RUNX3: variants seen among roughly 807,000 people sequenced by gnomAD.
RUNX3 encodes the protein runt-related transcription factor 3.
In RUNX3, 10 loss-of-function variants were observed where a neutral mutation model predicts 27.7. The ratio of observed to expected loss-of-function variants is 0.36; its 90% CI spans 0.22 to 0.61. The LOEUF (loss-of-function observed/expected upper bound fraction) is 0.61, where lower values mean the gene tolerates loss of function less well. Among genes scored for constraint, RUNX3 ranks in the 20% least tolerant of loss-of-function variants. The pLI, the probability that RUNX3 is intolerant of heterozygous loss-of-function variation, is 0.72. For synonymous variants in RUNX3, 270 were observed against 269.2 expected, an observed-to-expected ratio of 1.00 and a Z score of -0.03; for missense variants, 469 against 629.5, an observed-to-expected ratio of 0.75 and a Z score of 2.73.
intron 2 of RUNX3, among the ~76,000 whole-genome samples, chr1:24,960,748 C>T (rs1318501328): frequency 2.0e-5 from 3 of 152,194 alleles, no homozygotes; most frequent in Admixed American, 6.5e-5. Flanking sequence ...CCAGTGGAAC[C>T]GTGCATGGGC....
At chr1:24,919,621 C>G (rs1640957020) in intron 2 of RUNX3, among the ~76,000 whole-genome samples, 1 of 152,102 alleles carries the variant, frequency 6.6e-6, no homozygotes, top group Non-Finnish European at 1.5e-5. Context: ...TTTCTGCTGT[C>G]TCTTCTATTC....
chr1:24,946,852 C>A (rs1641620971), intron 2 of RUNX3, among the ~76,000 whole-genome samples: 1 of 152,184 alleles, frequency 6.6e-6, no homozygotes, highest in Non-Finnish European at 1.5e-5. Context: ...TCCACCTCCT[C>A]CAGAGAAAAG....
intron 3 of RUNX3, among the ~76,000 whole-genome samples, chr1:24,913,439 G>A (rs1252853194): frequency 6.6e-6 from 1 of 152,250 alleles, no homozygotes; most frequent in East Asian, 1.9e-4. Flanking sequence ...TCTGCAAAAT[G>A]GGGATCACAC....
intron 2 of RUNX3, among the ~76,000 whole-genome samples, chr1:24,948,758 G>A (rs1477140928): frequency 6.6e-6 from 1 of 151,988 alleles, no homozygotes; most frequent in South Asian, 2.1e-4. Flanking sequence ...GTGTGCATGT[G>A]GGGGAGGGGC....
Position 24,901,036 on chromosome 1 carries a change from G to GTTTTTTTTTTTTTTT in RUNX3, c.*1071_*1085dup, listed in dbSNP as rs3085849. On this transcript the variant is annotated 3_prime_UTR_variant, in exon 5 of 5. Transcript: ENST00000308873. ...TGTTTTGTTTTTTTTTTGTTTTTTTGTTTTTTTTTTTTTTTTGCTCAGGAC... is the reference window on the plus strand; with the variant it reads ...TGTTTTGTTTTTTTTTTGTTTTTTTGTTTTTTTTTTTTTTTTTTTTTTTTTTTTTTTGCTCAGGAC... 4 of 116,906 alleles carry GTTTTTTTTTTTTTTT rather than the reference G, an allele frequency of 3.4e-5. No individual in the cohort carries two copies. The highest frequency in any genetic ancestry group is 5.3e-5 in the Non-Finnish European group (3 of 56,424). The allele number at this position is 116,906 out of a possible 1,614,324, so 7.2% of individuals were successfully genotyped here.
intron 3 of RUNX3, among the ~76,000 whole-genome samples, chr1:24,913,193 G>A (rs1037844899): frequency 3.9e-5 from 6 of 152,222 alleles, no homozygotes; most frequent in East Asian, 1.9e-4. Context: ...AAAGCCCCGC[G>A]TTGGCCCTCA....
intron 2 of RUNX3, among the ~76,000 whole-genome samples, chr1:24,957,901 A>G (rs2124381497): frequency 1.3e-5 from 2 of 152,354 alleles, no homozygotes; most frequent in Middle Eastern, 6.8e-3. Flanking sequence ...GCCGCATTTT[A>G]CATTGCTTTC....
intron 2 of RUNX3, among the ~76,000 whole-genome samples, chr1:24,942,237 G>T (rs1641496717): frequency 6.6e-6 from 1 of 152,148 alleles, no homozygotes; most frequent in African/African-American, 2.4e-5. Flanking sequence ...AAAGGAGTTG[G>T]CACTAGATTG....
At position 24,964,706 on chromosome 1, in the gene RUNX3, G is replaced by GT. The variant is rs1216880932; in HGVS notation, c.-97-39dup. The stretch of plus-strand genomic sequence containing the variant: ...AAAGGGGGGGGTGTTGCTTTTTGTT[G>GT]TTTTTTGTTTTGTTTTTGTCTCTTT... On this transcript the variant is annotated intron_variant, in intron 1 of 6. Transcript: ENST00000338888. 13 of 1,491,106 alleles carry GT rather than the reference G, an allele frequency of 8.7e-6. No homozygotes were observed. In the South Asian group the frequency reaches 1.4e-4, roughly 16 times the overall value. The allele number at this position is 1,491,106 out of a possible 1,614,324, so 92.4% of individuals were successfully genotyped here. A position where few individuals can be genotyped will look rare whatever the true frequency, so the allele number is the denominator to read the frequency against.
chr1:24,959,794 G>A (rs758185149), intron 2 of RUNX3, among the ~76,000 whole-genome samples: 11 of 152,102 alleles, frequency 7.2e-5, no homozygotes, highest in Non-Finnish European at 1.5e-4. Flanking sequence ...ATACCCAAGA[G>A]TCCACTTTCC....
chr1:24,941,100 G>A lies in RUNX3; in HGVS notation c.59-11248C>T, dbSNP rs576191616. ...GCAGCAAAGCTGCACTGTTTCATCCGGATGGTCCTGTGTACCATCACACTC... is the reference window on the plus strand; with the variant it reads ...GCAGCAAAGCTGCACTGTTTCATCCAGATGGTCCTGTGTACCATCACACTC... On this transcript the variant is annotated intron_variant, in intron 2 of 6. Coordinates refer to the RUNX3 transcript ENST00000338888. Among the ~76,000 whole-genome samples, 40 of 152,222 alleles carry A rather than the reference G, an allele frequency of 2.6e-4. 1 individual carries two copies. The highest frequency in any genetic ancestry group is 3.8e-4 in the Non-Finnish European group (26 of 68,016).
At chr1:24,930,416 C>T (rs1641199317), upstream of RUNX3, 2 of 181,766 alleles carry the variant, frequency 1.1e-5, no homozygotes, top group Non-Finnish European at 2.1e-5. The surrounding 1 kb of genome is among the most constrained non-coding windows in gnomAD (Gnocchi z 4.1). Flanking sequence ...ACGGGGCCTG[C>T]CGGAGGCCGC....
chr1:24,944,828 C>T (rs1358458534), intron 2 of RUNX3, among the ~76,000 whole-genome samples: 1 of 152,220 alleles, frequency 6.6e-6, no homozygotes, highest in Non-Finnish European at 1.5e-5. Flanking sequence ...GCAAGGAACA[C>T]AGCCCTGCCC....
intron 2 of RUNX3, among the ~76,000 whole-genome samples, chr1:24,940,095 A>C (rs1311501288): frequency 6.6e-6 from 1 of 152,220 alleles, no homozygotes; most frequent in African/African-American, 2.4e-5. Context: ...CTCCTCTGGC[A>C]GATCTATGAA....
chr1:24,915,897 C>A (rs1408713368), intron 3 of RUNX3, among the ~76,000 whole-genome samples: 1 of 152,178 alleles, frequency 6.6e-6, no homozygotes, highest in South Asian at 2.1e-4. Flanking sequence ...GGCTCAGCAA[C>A]CTGCTTCTTA....
intron 2 of RUNX3, among the ~76,000 whole-genome samples, chr1:24,922,227 C>A (rs1436404004): frequency 6.7e-6 from 1 of 148,306 alleles, no homozygotes. Flanking sequence ...TTACTATGTG[C>A]CCAGGCTGGT....
Position 24,929,766 on chromosome 1 carries a change from C to T in RUNX3, c.103G>A (p.Ala35Thr), listed in dbSNP as rs2124308082. The change falls in exon 1 of 5, where the codon GCG (alanine) becomes ACG (threonine). Residue 35 changes from alanine (A) to threonine (T), a missense_variant. Physicochemically the swap from Ala to Thr is moderately conservative, Grantham distance 58. Coordinates refer to ENST00000308873, the MANE Select transcript of RUNX3 (RefSeq NM_004350.3). Reference sequence around the variant, plus strand: ...CCCACGGCCGCCTGCGCGCTCAGCGCGCCGCTGTTCTCGCCCATCTTGCCG... The same window carrying T: ...CCCACGGCCGCCTGCGCGCTCAGCGTGCCGCTGTTCTCGCCCATCTTGCCG... ...GGGKMGENSG[A>T]LSAQAAVGPG... 4 of 1,461,022 alleles carry T rather than the reference C, an allele frequency of 2.7e-6. No homozygotes were observed. The highest frequency in any genetic ancestry group is 2.3e-4 in the Middle Eastern group (1 of 4,416). 90.5% of individuals were successfully genotyped at this position (1,461,022 alleles called of 1,614,324 possible).
chr1:24,930,068 C>CG lies in RUNX3; in HGVS notation c.-201dup. 2.0e-6 allele frequency: 2 copies of CG among 980,402 alleles called. No homozygotes were observed. Among genetic ancestry groups the CG allele is most frequent in the Non-Finnish European group, 2.4e-6 (2 of 827,970 alleles). 60.7% of individuals were successfully genotyped at this position (980,402 alleles called of 1,614,324 possible). Reference sequence around the variant, plus strand: ...CCGCTGCGAGGCCTCGCTGGCCCGACGGCCGCCCGCAGCCTGCCCGGCTAG... The same window carrying CG: ...CCGCTGCGAGGCCTCGCTGGCCCGACGGGCCGCCCGCAGCCTGCCCGGCTAG... On this transcript the variant is annotated 5_prime_UTR_variant, in exon 1 of 5. Transcript: ENST00000308873. This position sits in a 1 kb window ranked among gnomAD's most constrained non-coding sequence, Gnocchi z 4.1.
upstream of RUNX3, among the ~76,000 whole-genome samples, chr1:24,933,833 G>A (rs933437142): frequency 5.3e-5 from 8 of 152,258 alleles, no homozygotes; most frequent in African/African-American, 1.4e-4. Context: ...CCCATATCCC[G>A]AATCACACAG....
Sources: gnomAD v4.1 joint callset for allele counts (sites outside exome capture counted in the v4.1 genomes callset) on GRCh38, gnomAD v4.1.1 for gene constraint, Gnocchi (gnomAD v3.1) non-coding constraint, MANE v1.5 for transcripts, NCBI Gene and HGNC (gene_info 2026-07-23, HGNC 2026-07-21) for gene names.